SCFD2: variants seen among roughly 807,000 people sequenced by gnomAD.
SCFD2 encodes sec1 family domain containing 2, also known as sec1 family domain-containing protein 2.
In SCFD2, 54 loss-of-function variants were observed where a neutral mutation model predicts 58.9. That is an observed-to-expected ratio of 0.92 (90% CI 0.74 to 1.15). SCFD2 has a LOEUF of 1.15. SCFD2 is among the 50% of genes most tolerant of loss of function. The pLI, the probability that SCFD2 is intolerant of heterozygous loss-of-function variation, is 0.00. For missense variants in SCFD2, 805 were observed against 836.6 expected, an observed-to-expected ratio of 0.96 and a Z score of 0.47; for synonymous variants, 321 against 335.9, an observed-to-expected ratio of 0.96 and a Z score of 0.49.
rs943335809 is a variant in SCFD2 at position 53,215,848 on chromosome 4, A to G, written c.1311+57978T>C. 2.0e-4 allele frequency among the ~76,000 whole-genome samples: 31 copies of G among 152,162 alleles called. 2 individuals are homozygous for G. Among genetic ancestry groups the G allele is most frequent in the African/African-American group, 6.3e-4 (26 of 41,416 alleles). ...AATACTTAATTTATTGAGAGTTTTT[A>G]GCATGAAGGGCTGCTAATTTTATCA... is the stretch of plus-strand genomic sequence containing the variant. On this transcript the variant is annotated intron_variant, in intron 4 of 8. Transcript: ENST00000401642.
intron 5 of SCFD2, among the ~76,000 whole-genome samples, chr4:53,042,949 T>C (rs1722936497): frequency 6.6e-6 from 1 of 152,068 alleles, no homozygotes; most frequent in South Asian, 2.1e-4. Context: ...ACTTATTCTG[T>C]TTTTTGGAAA....
At chr4:52,981,745 G>A (rs1176525428) in intron 5 of SCFD2, among the ~76,000 whole-genome samples, 1 of 152,132 alleles carries the variant, frequency 6.6e-6, no homozygotes, top group Admixed American at 6.5e-5. Flanking sequence ...AGGAGAGACG[G>A]TCAGGGCTTA....
At chr4:53,303,584 C>G (rs1248945982) in intron 3 of SCFD2, among the ~76,000 whole-genome samples, 2 of 152,076 alleles carry the variant, frequency 1.3e-5, no homozygotes, top group Admixed American at 6.6e-5. Context: ...CCATTTGACC[C>G]AGCCATCCCA....
chr4:53,274,776 C>T (rs978641471), intron 3 of SCFD2, among the ~76,000 whole-genome samples: 5 of 152,232 alleles, frequency 3.3e-5, no homozygotes, highest in South Asian at 2.1e-4. Context: ...TCCCACTCTC[C>T]AGTCTGTAAA....
rs1274282402 is a variant in SCFD2 at position 53,016,108 on chromosome 4, A to G, written c.1562-95238T>C. Among the ~76,000 whole-genome samples, 3 of 152,222 alleles carry G rather than the reference A, an allele frequency of 2.0e-5. No homozygotes were observed. In the East Asian group the frequency reaches 5.8e-4, roughly 29 times the overall value. On this transcript the variant is annotated intron_variant, in intron 5 of 8. Transcript: ENST00000401642. Reference sequence around the variant, plus strand: ...TGGGGTGGAGGAATAAATAAAACAAACAAGCACATAAAATTAAAATATTAA... The same window carrying G: ...TGGGGTGGAGGAATAAATAAAACAAGCAAGCACATAAAATTAAAATATTAA...
chr4:53,293,737 T>TA (rs895030614), intron 3 of SCFD2, among the ~76,000 whole-genome samples: 4 of 152,090 alleles, frequency 2.6e-5, no homozygotes, highest in South Asian at 4.2e-4. Flanking sequence ...GCTCACTCTT[T>TA]AAAAAAAATT....
intron 3 of SCFD2, among the ~76,000 whole-genome samples, chr4:53,286,938 C>T (rs975598109): frequency 3.9e-5 from 6 of 152,174 alleles, no homozygotes; most frequent in African/African-American, 1.4e-4. Context: ...CATCCTCTCT[C>T]CTAGTGCCTG....
chr4:53,152,851 C>G (rs1222828914), intron 4 of SCFD2, among the ~76,000 whole-genome samples: 1 of 152,196 alleles, frequency 6.6e-6, no homozygotes, highest in East Asian at 1.9e-4. Flanking sequence ...AACGGGGCAA[C>G]AGACCCTACA....
chr4:53,108,246 A>T (rs1725062470), intron 5 of SCFD2, among the ~76,000 whole-genome samples: 1 of 152,242 alleles, frequency 6.6e-6, no homozygotes, highest in African/African-American at 2.4e-5. Flanking sequence ...AATTTATAGC[A>T]CTATATGCCC....
At chr4:53,268,118 C>T (rs1169891872) in intron 4 of SCFD2, among the ~76,000 whole-genome samples, 6 of 151,956 alleles carry the variant, frequency 3.9e-5, no homozygotes, top group African/African-American at 1.4e-4. Flanking sequence ...TCAGAGCCCA[C>T]GAGTATGAAG....
At chr4:52,944,642 C>T (rs892376463) in intron 5 of SCFD2, among the ~76,000 whole-genome samples, 1 of 152,164 alleles carries the variant, frequency 6.6e-6, no homozygotes, top group Non-Finnish European at 1.5e-5. Flanking sequence ...GACAAAACTG[C>T]CTGGTCTCTC....
intron 5 of SCFD2, among the ~76,000 whole-genome samples, chr4:52,938,655 CACTT>C (rs1339633878): frequency 6.6e-6 from 1 of 152,148 alleles, no homozygotes; most frequent in South Asian, 2.1e-4. Context: ...TAATAACTAA[CACTT>C]AATGTCCTTA....
intron 5 of SCFD2, among the ~76,000 whole-genome samples, chr4:53,059,799 T>C (rs2148839159): frequency 6.6e-6 from 1 of 152,302 alleles, no homozygotes; most frequent in South Asian, 2.1e-4. Context: ...ACTATATTTT[T>C]GTTAAAAGCA....
rs73149226 is a variant in SCFD2 at position 53,283,489 on chromosome 4, T to C, written c.1136-9488A>G. Among the ~76,000 whole-genome samples, 1,331 of 152,318 alleles carry C rather than the reference T, an allele frequency of 8.7e-3. 18 individuals are homozygous for C. Among genetic ancestry groups the C allele is most frequent in the African/African-American group, 0.03 (1,255 of 41,568 alleles). ...GATATATACACAGGTTTGGAACTATTGGATGGGTGAGTACTAGTTTTACTT... is the reference window on the plus strand; with the variant it reads ...GATATATACACAGGTTTGGAACTATCGGATGGGTGAGTACTAGTTTTACTT... On this transcript the variant is annotated intron_variant, in intron 3 of 8. Transcript: ENST00000401642.
chr4:53,322,341 A>G (rs544451262), intron 2 of SCFD2, among the ~76,000 whole-genome samples: 2 of 152,322 alleles, frequency 1.3e-5, no homozygotes, highest in East Asian at 3.9e-4. Context: ...ATGCTAAAAG[A>G]CACTCCCACC....
chr4:52,974,099 A>T (rs1001744132), intron 5 of SCFD2, among the ~76,000 whole-genome samples: 1 of 152,226 alleles, frequency 6.6e-6, no homozygotes, highest in African/African-American at 2.4e-5. Flanking sequence ...ATTCCCTTTG[A>T]AAACGGGCAC....
intron 5 of SCFD2, among the ~76,000 whole-genome samples, chr4:52,945,475 T>C (rs998270180): frequency 2.0e-5 from 3 of 152,168 alleles, no homozygotes; most frequent in African/African-American, 7.2e-5. Flanking sequence ...AATAATTCCA[T>C]ATCCTTGTCA....
At chr4:53,273,655 T>A in intron 4 of SCFD2, 171 bp downstream of exon 4, 1 of 560,870 alleles carries the variant, frequency 1.8e-6, no homozygotes. Flanking sequence ...TTTAAACAGG[T>A]GTGAAAAAAG....
chr4:53,234,495 T>C (rs927731914), intron 4 of SCFD2, among the ~76,000 whole-genome samples: 1 of 152,194 alleles, frequency 6.6e-6, no homozygotes, highest in African/African-American at 2.4e-5. Flanking sequence ...GTTTTGTCAA[T>C]TAAATAAAAG....
Sources: gnomAD v4.1 joint callset for allele counts (sites outside exome capture counted in the v4.1 genomes callset) on GRCh38, gnomAD v4.1.1 for gene constraint, MANE v1.5 for transcripts, NCBI Gene and HGNC (gene_info 2026-07-23, HGNC 2026-07-21) for gene names.